Variants in EXOC2 observed in about 807,000 individuals in gnomAD.
The protein encoded by EXOC2 is exocyst complex component 2.
In EXOC2, 70 loss-of-function variants were observed where a neutral mutation model predicts 131.8. That is an observed-to-expected ratio of 0.53 (90% CI 0.44 to 0.65). EXOC2 has a LOEUF of 0.65. Among genes scored for constraint, EXOC2 ranks in the 30% least tolerant of loss-of-function variants. EXOC2 has a pLI of 0.00. For missense variants in EXOC2, 923 were observed against 1,108.6 expected (o/e 0.83, Z 2.38); for synonymous variants, 411 against 398.4 (o/e 1.03, Z -0.38).
chr6:553,224 G>T (rs1025002294), intron 21 of EXOC2, among the ~76,000 whole-genome samples: 7 of 152,104 alleles, frequency 4.6e-5, no homozygotes, highest in Admixed American at 2.6e-4. Flanking sequence ...GCCAGAAAGG[G>T]TTATTTTATT....
intron 1 of EXOC2, chr6:656,722 G>A: frequency 6.3e-7 from 1 of 1,597,040 alleles, no homozygotes; most frequent in Non-Finnish European, 8.5e-7. Flanking sequence ...ATCTCATCGA[G>A]ATCTTCCGAG....
At chr6:616,122 CAT>C (rs1318782100) in intron 6 of EXOC2, among the ~76,000 whole-genome samples, 2 of 152,206 alleles carry the variant, frequency 1.3e-5, no homozygotes, top group East Asian at 3.8e-4. Context: ...TCCTAGTCTA[CAT>C]AGTCCACTGA....
intron 13 of EXOC2, among the ~76,000 whole-genome samples, chr6:570,129 T>C (rs550094080): frequency 8.3e-6 from 1 of 120,822 alleles, no homozygotes; most frequent in African/African-American, 3.3e-5. Context: ...AAAGACTAAT[T>C]CTTTCTCTTT....
intron 13 of EXOC2, among the ~76,000 whole-genome samples, chr6:568,963 C>T (rs760944797): frequency 7.2e-5 from 11 of 152,030 alleles, no homozygotes; most frequent in Non-Finnish European, 1.0e-4. Flanking sequence ...GAAAAGTAGA[C>T]GGGGAAGGGA....
chr6:545,174 A>C (rs952885023), intron 22 of EXOC2, among the ~76,000 whole-genome samples: 2 of 151,860 alleles, frequency 1.3e-5, no homozygotes, highest in Non-Finnish European at 2.9e-5. Flanking sequence ...AAAAAAAAAA[A>C]AAAACTTCAA....
At chr6:511,847 T>C (rs1764866420) in intron 23 of EXOC2, among the ~76,000 whole-genome samples, 1 of 152,252 alleles carries the variant, frequency 6.6e-6, no homozygotes, top group South Asian at 2.1e-4. Flanking sequence ...GAGATTCTAT[T>C]AGCAATGACT....
Position 521,207 on chromosome 6 carries a change from C to T in EXOC2, c.2380+11262G>A, listed in dbSNP as rs569798028. Among the ~76,000 whole-genome samples the T allele has an allele frequency of 9.3e-5, 14 of 150,664 alleles. 1 individual carries two copies. The highest frequency in any genetic ancestry group is 2.2e-4 in the African/African-American group (9 of 40,706). On this transcript the variant is annotated intron_variant, in intron 23 of 27. Transcript: ENST00000230449. The stretch of plus-strand genomic sequence containing the variant: ...ACTGCCAATACTCACCGTCCACACT[C>T]GGAGATGAAAACCACCACCCACTGA...
chr6:692,621 C>A (rs529470135), intron 1 of EXOC2, among the ~76,000 whole-genome samples: 1 of 152,390 alleles, frequency 6.6e-6, no homozygotes, highest in South Asian at 2.1e-4. Context: ...ACAGGTAACA[C>A]CCGCCTCGCG....
chr6:591,846 C>A (rs1348837557), intron 11 of EXOC2, among the ~76,000 whole-genome samples: 1 of 152,122 alleles, frequency 6.6e-6, no homozygotes, highest in Non-Finnish European at 1.5e-5. Flanking sequence ...TTCTCTCCCC[C>A]AGCTTCCCTC....
At chr6:539,897 CT>C (rs1308331109) in intron 22 of EXOC2, among the ~76,000 whole-genome samples, 1 of 152,138 alleles carries the variant, frequency 6.6e-6, no homozygotes, top group East Asian at 1.9e-4. Context: ...ACTGACATTC[CT>C]TTATATTACT....
At chr6:679,675 G>A (rs1248296194) in intron 1 of EXOC2, among the ~76,000 whole-genome samples, 1 of 152,172 alleles carries the variant, frequency 6.6e-6, no homozygotes, top group Non-Finnish European at 1.5e-5. Context: ...ATTACAGCAA[G>A]ACGGGGAAAA....
chr6:505,431 A>G (rs1466516079), intron 23 of EXOC2, among the ~76,000 whole-genome samples: 1 of 152,236 alleles, frequency 6.6e-6, no homozygotes, highest in Non-Finnish European at 1.5e-5. Flanking sequence ...CTCATTACTG[A>G]GTAGTCACCT....
chr6:497,426 C>T lies in EXOC2; in HGVS notation c.2500G>A (p.Glu834Lys). 2 of 1,614,098 alleles carry T rather than the reference C, an allele frequency of 1.2e-6. No individual in the cohort carries two copies. The highest frequency in any genetic ancestry group is 1.7e-6 in the Non-Finnish European group (2 of 1,179,980). The change falls in exon 25 of 28, where the codon GAA becomes AAA. Residue 834 changes from glutamate (E) to lysine (K), a missense_variant. Glu to Lys is a moderately conservative substitution (Grantham distance 56). Transcript: ENST00000230449. Reference sequence around the variant, plus strand: ...CACTGCATCAGTCGACTGAGCTCTTCAGAAACTGCTTCTATCACCTTGGAT... The same window carrying T: ...CACTGCATCAGTCGACTGAGCTCTTTAGAAACTGCTTCTATCACCTTGGAT... ...VLSKVIEAVS[E>K]ELSRLMQCVS...
At chr6:492,380 T>G (rs1763487032) in intron 25 of EXOC2, among the ~76,000 whole-genome samples, 1 of 152,202 alleles carries the variant, frequency 6.6e-6, no homozygotes, top group Non-Finnish European at 1.5e-5. Flanking sequence ...AGTAACCACA[T>G]GACCTAGCAA....
chr6:497,926 C>G (rs1275445927), intron 24 of EXOC2, among the ~76,000 whole-genome samples: 1 of 152,196 alleles, frequency 6.6e-6, no homozygotes, highest in Non-Finnish European at 1.5e-5. Flanking sequence ...GTACCCCATT[C>G]TGTATTGGAG....
At chr6:491,033 T>C in intron 26 of EXOC2, 92 bp downstream of exon 26, 1 of 1,303,142 alleles carries the variant, frequency 7.7e-7, no homozygotes, top group Non-Finnish European at 1.1e-6. Context: ...GAGCATGTGC[T>C]CTGATCAGTC....
At chr6:488,306 C>T (rs1011197595) in intron 27 of EXOC2, among the ~76,000 whole-genome samples, 2 of 152,228 alleles carry the variant, frequency 1.3e-5, no homozygotes, top group Admixed American at 6.5e-5. Context: ...TGTCTATGGG[C>T]CCGGCAGCCA....
intron 11 of EXOC2, among the ~76,000 whole-genome samples, chr6:578,513 G>C (rs2127602787): frequency 6.6e-6 from 1 of 152,306 alleles, no homozygotes; most frequent in African/African-American, 2.4e-5. Context: ...ATCTGACTGA[G>C]GCCCTCCTAC....
At chr6:532,868 G>C (rs986801708) in intron 22 of EXOC2, among the ~76,000 whole-genome samples, 35 of 152,108 alleles carry the variant, frequency 2.3e-4, no homozygotes, top group African/African-American at 7.2e-4. Context: ...AACTGCCCAA[G>C]ATTAGGTAAT....
Sources: gnomAD v4.1 joint callset for allele counts (sites outside exome capture counted in the v4.1 genomes callset) on GRCh38, gnomAD v4.1.1 for gene constraint, MANE v1.5 for transcripts, NCBI Gene and HGNC (gene_info 2026-07-23, HGNC 2026-07-21) for gene names.